The following CADM1 variants were observed in gnomAD, a reference collection of about 807,000 sequenced individuals.
CADM1 encodes the protein TSLC-1.
In CADM1, 15 loss-of-function variants were observed where a neutral mutation model predicts 53.1. The observed-to-expected ratio is 0.28, with a 90% confidence interval of 0.19 to 0.44. The LOEUF (loss-of-function observed/expected upper bound fraction) is 0.44. CADM1 is among the 20% of genes least tolerant of loss of function. The probability of loss-of-function intolerance (pLI) is 1.00; values close to 1 mark genes in which losing one functional copy is unlikely to be tolerated. For synonymous variants in CADM1, 281 were observed against 243.0 expected (o/e 1.16, Z -1.45); for missense variants, 434 against 611.3 (o/e 0.71, Z 3.06).
intron 1 of CADM1, among the ~76,000 whole-genome samples, chr11:115,343,702 C>A: frequency 6.9e-6 from 1 of 145,414 alleles, no homozygotes; most frequent in Non-Finnish European, 1.5e-5. Flanking sequence ...ATGTTCAAAT[C>A]TGTATCATAC....
At chr11:115,265,591 A>G (rs1388181201) in intron 1 of CADM1, among the ~76,000 whole-genome samples, 3 of 152,134 alleles carry the variant, frequency 2.0e-5, no homozygotes, top group Non-Finnish European at 4.4e-5. Context: ...CCCTGTCTCC[A>G]CCATTGAATA....
At chr11:115,356,820 T>C (rs1945885225) in intron 1 of CADM1, among the ~76,000 whole-genome samples, 1 of 152,176 alleles carries the variant, frequency 6.6e-6, no homozygotes, top group Non-Finnish European at 1.5e-5. Context: ...GTAATGGCTT[T>C]TTTAAGAACA....
At chr11:115,287,758 T>G (rs527865124) in intron 1 of CADM1, among the ~76,000 whole-genome samples, 4 of 152,330 alleles carry the variant, frequency 2.6e-5, no homozygotes, top group South Asian at 2.1e-4. Context: ...ACCATTTTTT[T>G]GGGATCCATA....
chr11:115,483,252 C>T (rs182455375), intron 1 of CADM1, among the ~76,000 whole-genome samples: 113 of 152,306 alleles, frequency 7.4e-4, no homozygotes, highest in Non-Finnish European at 1.3e-3. Flanking sequence ...TATGGCCAGA[C>T]CTCATGAAGC....
chr11:115,360,468 T>C (rs554579356), intron 1 of CADM1, among the ~76,000 whole-genome samples: 1 of 152,324 alleles, frequency 6.6e-6, no homozygotes, highest in East Asian at 1.9e-4. Context: ...GAAAACTATA[T>C]ACACACATAT....
At chr11:115,400,522 A>AATTAT (rs2135210815) in intron 1 of CADM1, among the ~76,000 whole-genome samples, 1 of 147,320 alleles carries the variant, frequency 6.8e-6, no homozygotes, top group East Asian at 2.0e-4. Context: ...TATATATCAG[A>AATTAT]ATACTGTCAA....
intron 1 of CADM1, among the ~76,000 whole-genome samples, chr11:115,326,019 G>A (rs1023075309): frequency 2.0e-5 from 3 of 151,984 alleles, no homozygotes; most frequent in African/African-American, 4.8e-5. Flanking sequence ...AAACTCAGAG[G>A]GGCAAAACAT....
At chr11:115,395,797 A>T (rs1369845326) in intron 1 of CADM1, among the ~76,000 whole-genome samples, 3 of 152,220 alleles carry the variant, frequency 2.0e-5, no homozygotes, top group African/African-American at 4.8e-5. Context: ...AACTTTTTTT[A>T]AAAAAGACTC....
intron 5 of CADM1, among the ~76,000 whole-genome samples, chr11:115,225,315 G>GA (rs989546454): frequency 2.0e-5 from 3 of 147,440 alleles, no homozygotes; most frequent in Non-Finnish European, 4.5e-5. Context: ...AATAAAAAAG[G>GA]GGGGGGGACT....
chr11:115,393,367 T>G (rs1412001471), intron 1 of CADM1, among the ~76,000 whole-genome samples: 1 of 151,678 alleles, frequency 6.6e-6, no homozygotes, highest in African/African-American at 2.4e-5. Flanking sequence ...TTTATCAACA[T>G]AAAGATATTC....
chr11:115,437,359 G>A (rs1948207180), intron 1 of CADM1, among the ~76,000 whole-genome samples: 1 of 152,186 alleles, frequency 6.6e-6, no homozygotes, highest in Non-Finnish European at 1.5e-5. Context: ...AGATAGACAA[G>A]ACATGAGTCC....
At chr11:115,335,279 G>C (rs1474551548) in intron 1 of CADM1, among the ~76,000 whole-genome samples, 3 of 152,002 alleles carry the variant, frequency 2.0e-5, no homozygotes, top group Non-Finnish European at 4.4e-5. Context: ...TTAACACAAA[G>C]GACATGTTTT....
At chr11:115,273,504 T>C (rs981822522) in intron 1 of CADM1, among the ~76,000 whole-genome samples, 3 of 152,154 alleles carry the variant, frequency 2.0e-5, no homozygotes, top group African/African-American at 4.8e-5. Flanking sequence ...GGGAAATAAA[T>C]GAAACCCACT....
intron 3 of CADM1, among the ~76,000 whole-genome samples, chr11:115,235,113 T>C (rs1162949151): frequency 1.3e-5 from 2 of 151,688 alleles, no homozygotes; most frequent in African/African-American, 4.8e-5. Context: ...TAAAATAAAA[T>C]CTGATATTGT....
At chr11:115,320,695 A>G (rs1043868914) in intron 1 of CADM1, among the ~76,000 whole-genome samples, 18 of 152,110 alleles carry the variant, frequency 1.2e-4, no homozygotes, top group Middle Eastern at 3.4e-3. Flanking sequence ...CAGAAAAAAA[A>G]AAAGTTTCAT....
intron 1 of CADM1, among the ~76,000 whole-genome samples, chr11:115,425,223 G>C (rs982560128): frequency 3.9e-5 from 6 of 152,184 alleles, no homozygotes; most frequent in Non-Finnish European, 8.8e-5. Context: ...ATAAGTCTTT[G>C]ATAATATAAA....
At chr11:115,398,970 C>G (rs1313142185) in intron 1 of CADM1, 2 of 152,060 alleles carry the variant, frequency 1.3e-5, no homozygotes, top group Non-Finnish European at 1.5e-5. Flanking sequence ...TCTTTCTGAG[C>G]CATGGGATAG....
chr11:115,265,542 G>A (rs776650471), intron 1 of CADM1, among the ~76,000 whole-genome samples: 53 of 152,088 alleles, frequency 3.5e-4, no homozygotes, highest in Admixed American at 9.2e-4. Context: ...ATTTTTACGT[G>A]CTCCAGTGTT....
intron 1 of CADM1, among the ~76,000 whole-genome samples, chr11:115,471,201 G>A (rs1367789676): frequency 6.6e-6 from 1 of 152,042 alleles, no homozygotes; most frequent in Non-Finnish European, 1.5e-5. Flanking sequence ...CCAAAAATTT[G>A]TACCAAATAT....
Sources: allele counts gnomAD v4.1 joint callset (sites outside exome capture counted in the v4.1 genomes callset), GRCh38; gene constraint gnomAD v4.1.1; transcripts MANE v1.5; gene names NCBI Gene and HGNC (gene_info 2026-07-23, HGNC 2026-07-21).